FOXN2: variants seen among roughly 807,000 people sequenced by gnomAD.
FOXN2 encodes forkhead box N2.
In FOXN2, 19 loss-of-function variants were observed where a neutral mutation model predicts 41.2. The ratio of observed to expected loss-of-function variants is 0.46; its 90% CI spans 0.32 to 0.68. FOXN2 has a LOEUF of 0.68. Ranked by LOEUF, FOXN2 falls within the 30% of genes least tolerant of loss-of-function variation. The probability of loss-of-function intolerance (pLI) is 0.03; values close to 1 mark genes in which losing one functional copy is unlikely to be tolerated. For missense variants in FOXN2, 587 were observed against 509.4 expected, an observed-to-expected ratio of 1.15 and a Z score of -1.47; for synonymous variants, 195 against 176.8, an observed-to-expected ratio of 1.10 and a Z score of -0.82.
At chr2:48,329,611 C>G (rs554238696) in intron 2 of FOXN2, among the ~76,000 whole-genome samples, 2 of 152,218 alleles carry the variant, frequency 1.3e-5, no homozygotes, top group Admixed American at 6.5e-5. Flanking sequence ...GCAGTTTTAT[C>G]CCTAAGAGAC....
chr2:48,352,582 A>G (rs893304284), intron 3 of FOXN2, among the ~76,000 whole-genome samples: 5 of 152,184 alleles, frequency 3.3e-5, no homozygotes, highest in Non-Finnish European at 5.9e-5. Flanking sequence ...CCTAAAGCCC[A>G]GACGTAAATT....
At position 48,317,595 on chromosome 2, in the gene FOXN2, C is replaced by CTTTTTTTTTTTTTTTTTTTTTT. The variant is rs574980247; in HGVS notation, c.-157+2790_-157+2811dup. On this transcript the variant is annotated intron_variant, in intron 1 of 6. Transcript: ENST00000340553. ...ACAATGCCTATAGCCTATAGTATTG[C>CTTTTTTTTTTTTTTTTTTTTTT]TTTTTTTTTTTTTTTTTTTTTTTTT... is the stretch of plus-strand genomic sequence containing the variant. 1.4e-4 allele frequency among the ~76,000 whole-genome samples: 5 copies of CTTTTTTTTTTTTTTTTTTTTTT among 34,746 alleles called. 2 individuals carry two copies. Among genetic ancestry groups the CTTTTTTTTTTTTTTTTTTTTTT allele is most frequent in the African/African-American group, 3.5e-4 (4 of 11,522 alleles). The allele number at this position is 34,746 out of a possible 152,430, so 22.8% of individuals were successfully genotyped here.
At chr2:48,334,277 C>T (rs932408605) in intron 2 of FOXN2, among the ~76,000 whole-genome samples, 3 of 152,106 alleles carry the variant, frequency 2.0e-5, no homozygotes, top group African/African-American at 7.2e-5. Context: ...ATTTGCAACA[C>T]TTGTGTGGCC....
intron 5 of FOXN2, among the ~76,000 whole-genome samples, chr2:48,368,463 A>G (rs1672672205): frequency 6.6e-6 from 1 of 152,122 alleles, no homozygotes; most frequent in Non-Finnish European, 1.5e-5. Context: ...TCAGGAGTTC[A>G]AGACCAGCCT....
chr2:48,361,575 A>C (rs998296743), intron 4 of FOXN2, among the ~76,000 whole-genome samples: 1 of 152,220 alleles, frequency 6.6e-6, no homozygotes, highest in African/African-American at 2.4e-5. Context: ...TGTTTGGCAA[A>C]ATAACAGTTC....
Position 48,375,212 on chromosome 2 carries a change from T to A in FOXN2, c.1065T>A (p.Val355=). ...EGFHSEEDTD[V]DYEDDPLGDS... is the part of the protein sequence containing the mutation. Reference sequence around the variant, plus strand: ...TTCACAGTGAAGAAGATACAGACGTTGATTATGAAGATGATCCTCTTGGAG... The same window carrying A: ...TTCACAGTGAAGAAGATACAGACGTAGATTATGAAGATGATCCTCTTGGAG... Residue 355 remains valine (V), a synonymous_variant, in exon 7 of 7, where the codon GTT becomes GTA. Coordinates refer to ENST00000340553, the MANE Select transcript of FOXN2 (RefSeq NM_002158.4). 6.2e-7 allele frequency: 1 copy of A among 1,614,118 alleles called. No homozygotes were observed. The highest frequency in any genetic ancestry group is 8.5e-7 in the Non-Finnish European group (1 of 1,180,010).
chr2:48,342,989 T>C (rs1410290928), intron 2 of FOXN2, among the ~76,000 whole-genome samples: 1 of 152,242 alleles, frequency 6.6e-6, no homozygotes, highest in Non-Finnish European at 1.5e-5. Context: ...CTTGCAACCA[T>C]TTAAATTACT....
intron 4 of FOXN2, among the ~76,000 whole-genome samples, chr2:48,361,034 A>G (rs958238183): frequency 6.6e-6 from 1 of 151,702 alleles, no homozygotes; most frequent in Non-Finnish European, 1.5e-5. Context: ...AAAAGATTAT[A>G]TGAAAGAATT....
At chr2:48,336,214 G>A (rs1670339439) in intron 2 of FOXN2, among the ~76,000 whole-genome samples, 1 of 151,426 alleles carries the variant, frequency 6.6e-6, no homozygotes, top group Non-Finnish European at 1.5e-5. Flanking sequence ...GACCAGCCTG[G>A]CCAACATGGT....
At chr2:48,336,573 A>G (rs1251224154) in intron 2 of FOXN2, among the ~76,000 whole-genome samples, 4 of 151,956 alleles carry the variant, frequency 2.6e-5, no homozygotes, top group African/African-American at 9.7e-5. Context: ...TTTCCACACT[A>G]GTAGAGGATT....
intron 2 of FOXN2, among the ~76,000 whole-genome samples, chr2:48,334,327 T>G (rs1402177763): frequency 6.6e-6 from 1 of 152,202 alleles, no homozygotes; most frequent in African/African-American, 2.4e-5. Flanking sequence ...CCAGGGATAC[T>G]TCCAATTGAG....
At chr2:48,336,000 C>T (rs2104278794) in intron 2 of FOXN2, among the ~76,000 whole-genome samples, 1 of 151,150 alleles carries the variant, frequency 6.6e-6, no homozygotes, top group East Asian at 1.9e-4. Context: ...CGCACTCCAG[C>T]CTGGGCGACA....
intron 3 of FOXN2, among the ~76,000 whole-genome samples, chr2:48,353,499 G>A (rs1462741433): frequency 6.6e-6 from 1 of 151,062 alleles, no homozygotes; most frequent in African/African-American, 2.4e-5. Flanking sequence ...TCCCACTAGG[G>A]AAGATATGAG....
chr2:48,336,587 A>G (rs929550713), intron 2 of FOXN2, among the ~76,000 whole-genome samples: 2 of 152,050 alleles, frequency 1.3e-5, no homozygotes, highest in African/African-American at 4.8e-5. Context: ...GAGGATTAAA[A>G]AAAATGGAAT....
chr2:48,355,280 G>A (rs1195336408), intron 3 of FOXN2, among the ~76,000 whole-genome samples: 1 of 152,162 alleles, frequency 6.6e-6, no homozygotes, highest in Non-Finnish European at 1.5e-5. Flanking sequence ...AGAAATTAAG[G>A]AAGTGAGAGC....
chr2:48,370,195 G>A (rs1364305328), intron 5 of FOXN2, among the ~76,000 whole-genome samples: 1 of 152,132 alleles, frequency 6.6e-6, no homozygotes, highest in Non-Finnish European at 1.5e-5. Flanking sequence ...CATTCACCTG[G>A]AGGAAGATTT....
chr2:48,315,821 C>G (rs138249213), intron 1 of FOXN2, among the ~76,000 whole-genome samples: 69 of 152,358 alleles, frequency 4.5e-4, no homozygotes, highest in African/African-American at 1.6e-3. Context: ...TGTTCTTGCA[C>G]TGGATTTCTG....
At position 48,378,372 on chromosome 2, in the gene FOXN2, T is replaced by G. The variant is rs1470491458; in HGVS notation, c.*2929T>G. On this transcript the variant is annotated 3_prime_UTR_variant, in exon 7 of 7. Transcript: ENST00000340553. ...TTGGATTCCTTTGTATATAGTAAAG[T>G]TTAGTATATATATATTTTTTTCTTT... is the stretch of plus-strand genomic sequence containing the variant. 6.6e-6 allele frequency: 1 copy of G among 151,530 alleles called. No homozygotes were observed. 9.4% of individuals were successfully genotyped at this position (151,530 alleles called of 1,614,324 possible).
At chr2:48,319,260 G>GAA (rs61641736) in intron 1 of FOXN2, among the ~76,000 whole-genome samples, 12 of 149,294 alleles carry the variant, frequency 8.0e-5, no homozygotes, top group Non-Finnish European at 1.0e-4. Context: ...CATATTTATG[G>GAA]AAAAAAAAAT....
Sources: allele counts gnomAD v4.1 joint callset (sites outside exome capture counted in the v4.1 genomes callset), GRCh38; gene constraint gnomAD v4.1.1; transcripts MANE v1.5; gene names NCBI Gene and HGNC (gene_info 2026-07-23, HGNC 2026-07-21).